GPAT3: variants seen among roughly 807,000 people sequenced by gnomAD.
GPAT3 encodes 1-AGP acyltransferase 9.
GPAT3 carries 53 observed loss-of-function variants against 58.8 expected under a neutral mutation model. That is an observed-to-expected ratio of 0.90 (90% CI 0.72 to 1.13). The LOEUF (loss-of-function observed/expected upper bound fraction) is 1.13, where lower values mean the gene tolerates loss of function less well. Among genes scored for constraint, GPAT3 ranks in the 50% most tolerant of loss-of-function variants. GPAT3 has a pLI of 0.00. For missense variants in GPAT3, 511 were observed against 527.6 expected, an observed-to-expected ratio of 0.97 and a Z score of 0.31; for synonymous variants, 197 against 187.4, an observed-to-expected ratio of 1.05 and a Z score of -0.42.
intron 11 of GPAT3, among the ~76,000 whole-genome samples, chr4:83,603,833 A>G (rs1727158159): frequency 6.6e-6 from 1 of 152,000 alleles, no homozygotes; most frequent in Admixed American, 6.6e-5. Flanking sequence ...CTTGTTAAAC[A>G]TAGATAGGGT....
At chr4:83,537,850 G>A (rs556324759) in intron 1 of GPAT3, among the ~76,000 whole-genome samples, 6 of 152,164 alleles carry the variant, frequency 3.9e-5, no homozygotes, top group Non-Finnish European at 8.8e-5. Context: ...TACCAAAATT[G>A]TAGCTCTGTT....
At chr4:83,573,665 C>T (rs2110090572) in intron 2 of GPAT3, among the ~76,000 whole-genome samples, 1 of 152,292 alleles carries the variant, frequency 6.6e-6, no homozygotes, top group African/African-American at 2.4e-5. Flanking sequence ...AGGGAAGGAT[C>T]TAGGCCTGGC....
At chr4:83,539,922 C>T (rs765254630) in intron 1 of GPAT3, among the ~76,000 whole-genome samples, 1 of 152,118 alleles carries the variant, frequency 6.6e-6, no homozygotes, top group Non-Finnish European at 1.5e-5. Context: ...CTTTGGGAAG[C>T]CGAGGCAGGT....
intron 1 of GPAT3, among the ~76,000 whole-genome samples, chr4:83,541,101 A>G (rs1724287169): frequency 6.6e-6 from 1 of 152,206 alleles, no homozygotes; most frequent in South Asian, 2.1e-4. Flanking sequence ...TCAAATCTAT[A>G]TCTATCTAGC....
intron 2 of GPAT3, among the ~76,000 whole-genome samples, chr4:83,570,078 C>T (rs1725545404): frequency 1.3e-5 from 2 of 152,130 alleles, no homozygotes; most frequent in South Asian, 4.1e-4. Context: ...AAATATCTTA[C>T]ATATTTGGGA....
chr4:83,547,853 CTTTT>C (rs10536598), intron 2 of GPAT3, among the ~76,000 whole-genome samples: 14 of 133,346 alleles, frequency 1.0e-4, no homozygotes, highest in Non-Finnish European at 1.3e-4. Context: ...TTCTTCTTCC[CTTTT>C]TTTTTTTTTT....
At chr4:83,562,242 T>TA (rs1321477321) in intron 2 of GPAT3, among the ~76,000 whole-genome samples, 3 of 131,662 alleles carry the variant, frequency 2.3e-5, no homozygotes, top group Non-Finnish European at 3.1e-5. Context: ...ATATAATATA[T>TA]ATATATAAAA....
At chr4:83,558,240 C>T (rs1484540496) in intron 2 of GPAT3, among the ~76,000 whole-genome samples, 2 of 151,734 alleles carry the variant, frequency 1.3e-5, no homozygotes, top group African/African-American at 2.4e-5. Flanking sequence ...GTCATCTTGA[C>T]AGTTTTGATG....
At chr4:83,537,619 G>GTA (rs1176157767) in intron 1 of GPAT3, among the ~76,000 whole-genome samples, 8 of 141,536 alleles carry the variant, frequency 5.7e-5, no homozygotes, top group East Asian at 4.0e-4. Context: ...GTGTGTGTGT[G>GTA]TGTGTGTATA....
chr4:83,605,073 G>A lies in GPAT3; in HGVS notation c.*306G>A, dbSNP rs1387532039. The A allele has an allele frequency of 9.1e-6, 2 of 220,700 alleles. No homozygotes were observed. The highest frequency in any genetic ancestry group is 4.6e-5 in the African/African-American group (2 of 43,128). The allele number at this position is 220,700 out of a possible 1,614,324, so 13.7% of individuals were successfully genotyped here. On this transcript the variant is annotated 3_prime_UTR_variant, in exon 12 of 12. Coordinates refer to ENST00000264409, the MANE Select transcript of GPAT3 (RefSeq NM_032717.5). The stretch of plus-strand genomic sequence containing the variant: ...GTATAGAAAAAAGTGCTTGAAAAGT[G>A]TGTTTGGAACTCATCGATAGGGTAA...
Position 83,594,836 on chromosome 4 carries a change from T to A in GPAT3, c.739-9T>A, listed in dbSNP as rs774133189. On this transcript the variant is annotated splice_polypyrimidine_tract_variant and intron_variant, in intron 6 of 11. Coordinates refer to ENST00000264409, the MANE Select transcript of GPAT3 (RefSeq NM_032717.5). ...TTTACGTTTTTTCCTTTTCTTATGC[T>A]ACTTCTAGGTTGGCCAGGTTCATGG... 1.4e-5 allele frequency: 22 copies of A among 1,611,162 alleles called. No individual in the cohort carries two copies. The highest frequency in any genetic ancestry group is 1.8e-5 in the Non-Finnish European group (21 of 1,178,646).
chr4:83,572,795 G>T lies in GPAT3; in HGVS notation c.209-8767G>T, dbSNP rs144043660. ...TGGGAAGGGAAGCAGTGATAATCAG[G>T]ATCACAAAGGAGTCGCTGTGAAATG... On this transcript the variant is annotated intron_variant, in intron 2 of 11. Coordinates refer to ENST00000264409, the MANE Select transcript of GPAT3 (RefSeq NM_032717.5). 1.1e-4 allele frequency among the ~76,000 whole-genome samples: 17 copies of T among 152,296 alleles called. No individual in the cohort carries two copies. The East Asian group carries it at 3.3e-3, about 29-fold the overall frequency.
At chr4:83,597,813 A>G (rs967943753) in intron 9 of GPAT3, among the ~76,000 whole-genome samples, 4 of 152,186 alleles carry the variant, frequency 2.6e-5, no homozygotes, top group Non-Finnish European at 4.4e-5. Flanking sequence ...GATATTTAAT[A>G]GTCATGTAAA....
At chr4:83,551,536 G>T (rs894970192) in intron 2 of GPAT3, among the ~76,000 whole-genome samples, 1 of 152,010 alleles carries the variant, frequency 6.6e-6, no homozygotes, top group Non-Finnish European at 1.5e-5. Flanking sequence ...GCTCATGCCT[G>T]TAATCCCAGC....
chr4:83,579,896 A>C (rs1192236402), intron 2 of GPAT3, among the ~76,000 whole-genome samples: 1 of 152,228 alleles, frequency 6.6e-6, no homozygotes, highest in Non-Finnish European at 1.5e-5. Context: ...CGGGATAGGT[A>C]ATACAGCACT....
chr4:83,587,845 A>G (rs1726437750), intron 4 of GPAT3, among the ~76,000 whole-genome samples: 1 of 152,174 alleles, frequency 6.6e-6, no homozygotes, highest in Non-Finnish European at 1.5e-5. Flanking sequence ...GTTTTTTCAA[A>G]GGAGAATTGA....
At chr4:83,601,949 T>C (rs13145196) in intron 11 of GPAT3, among the ~76,000 whole-genome samples, 93,905 of 151,896 alleles carry the variant, frequency 0.62, 29,138 homozygotes, top group Middle Eastern at 0.74. Context: ...GTTCCATACA[T>C]CCTGGAGTAT....
At chr4:83,576,960 A>G (rs967221811) in intron 2 of GPAT3, among the ~76,000 whole-genome samples, 4 of 152,216 alleles carry the variant, frequency 2.6e-5, no homozygotes, top group African/African-American at 9.7e-5. Flanking sequence ...AAGAGAAAAA[A>G]TACTAATGTT....
intron 1 of GPAT3, among the ~76,000 whole-genome samples, chr4:83,543,527 T>G (rs2110070236): frequency 6.6e-6 from 1 of 152,348 alleles, no homozygotes; most frequent in East Asian, 1.9e-4. Context: ...TTTCCAGTTC[T>G]TAAATTCCCT....
Sources: gnomAD v4.1 joint callset for allele counts (sites outside exome capture counted in the v4.1 genomes callset) on GRCh38, gnomAD v4.1.1 for gene constraint, MANE v1.5 for transcripts, NCBI Gene and HGNC (gene_info 2026-07-23, HGNC 2026-07-21) for gene names.